NEGR1: variants seen among roughly 807,000 people sequenced by gnomAD.
NEGR1 encodes IgLON family member 4.
NEGR1 carries 10 observed loss-of-function variants against 40.9 expected under a neutral mutation model. The ratio of observed to expected loss-of-function variants is 0.24; its 90% CI spans 0.15 to 0.42. The LOEUF is 0.42. Ranked by LOEUF, NEGR1 falls within the 10% of genes least tolerant of loss-of-function variation. The pLI is 1.00. For synonymous variants in NEGR1, 185 were observed against 166.8 expected (o/e 1.11, Z -0.84); for missense variants, 352 against 438.9 (o/e 0.80, Z 1.77).
At chr1:72,119,712 G>T (rs546762526) in intron 1 of NEGR1, among the ~76,000 whole-genome samples, 2 of 152,076 alleles carry the variant, frequency 1.3e-5, no homozygotes, top group South Asian at 2.1e-4. Context: ...CTGGCAGGGG[G>T]TTGTTCTTGG....
rs1659287122 is a variant in NEGR1 at position 71,842,795 on chromosome 1, C to T, written c.410-66498G>A. ...CCTAACAATGTTATCATTAAATTAA[C>T]ATCATTATCGTATATCTTAACTTAG... On this transcript the variant is annotated intron_variant, in intron 2 of 6. Coordinates refer to ENST00000357731, the MANE Select transcript of NEGR1 (RefSeq NM_173808.3). 3.3e-5 allele frequency among the ~76,000 whole-genome samples: 5 copies of T among 152,230 alleles called. No individual in the cohort carries two copies. The South Asian group carries it at 1.0e-3, about 32-fold the overall frequency.
chr1:72,108,806 C>T (rs1649238385), intron 1 of NEGR1, among the ~76,000 whole-genome samples: 1 of 151,674 alleles, frequency 6.6e-6, no homozygotes, highest in African/African-American at 2.4e-5. Context: ...GCCCATGTTG[C>T]TCTTTTCTAT....
intron 4 of NEGR1, among the ~76,000 whole-genome samples, chr1:71,689,197 G>T (rs1436298789): frequency 6.6e-6 from 1 of 152,154 alleles, no homozygotes; most frequent in Non-Finnish European, 1.5e-5. Context: ...ATTTCTCAAA[G>T]AATTCACAAA....
intron 1 of NEGR1, among the ~76,000 whole-genome samples, chr1:72,241,708 A>G (rs1368981447): frequency 6.6e-6 from 1 of 151,546 alleles, no homozygotes; most frequent in Non-Finnish European, 1.5e-5. Flanking sequence ...TATATATTCC[A>G]GGTATATATT....
At chr1:71,991,589 C>G (rs1278850026) in intron 1 of NEGR1, among the ~76,000 whole-genome samples, 1 of 152,154 alleles carries the variant, frequency 6.6e-6, no homozygotes, top group Non-Finnish European at 1.5e-5. Flanking sequence ...GATCTCTGCA[C>G]TCTCATACAA....
chr1:71,464,609 C>G lies in NEGR1; in HGVS notation c.941-57039G>C, dbSNP rs558307280. Among the ~76,000 whole-genome samples the G allele has an allele frequency of 6.6e-5, 10 of 152,140 alleles. No homozygotes were observed. The South Asian group carries it at 2.1e-3, about 32-fold the overall frequency. On this transcript the variant is annotated intron_variant, in intron 6 of 6. Transcript: ENST00000357731. The stretch of plus-strand genomic sequence containing the variant: ...AGATTATCCTATCCTCCCAAGAATG[C>G]AGTTCTGTCGCAAAATTTGGCCATA...
intron 3 of NEGR1, among the ~76,000 whole-genome samples, chr1:71,775,778 G>T (rs2101717300): frequency 6.6e-6 from 1 of 152,026 alleles, no homozygotes; most frequent in Middle Eastern, 3.4e-3. Context: ...GATGACTTGA[G>T]GCCAAGATTC....
chr1:71,575,054 T>G (rs1322316035), intron 6 of NEGR1, among the ~76,000 whole-genome samples: 2 of 152,182 alleles, frequency 1.3e-5, no homozygotes, highest in Non-Finnish European at 2.9e-5. Context: ...TAGGAGAACG[T>G]GGATTGCTCA....
At chr1:71,761,057 G>A (rs563001733) in intron 3 of NEGR1, among the ~76,000 whole-genome samples, 32 of 152,122 alleles carry the variant, frequency 2.1e-4, no homozygotes, top group Middle Eastern at 3.4e-3. Flanking sequence ...AGGAATTAAC[G>A]TTTGCTGTCT....
intron 1 of NEGR1, among the ~76,000 whole-genome samples, chr1:72,048,977 T>C (rs1049676310): frequency 1.3e-5 from 2 of 151,454 alleles, no homozygotes; most frequent in Admixed American, 6.6e-5. Context: ...TTATGCATAG[T>C]TGTATTAAGG....
intron 1 of NEGR1, among the ~76,000 whole-genome samples, chr1:72,012,828 C>T (rs12724549): frequency 7.3e-6 from 1 of 137,260 alleles, no homozygotes; most frequent in Non-Finnish European, 1.6e-5. Context: ...CACACACACA[C>T]ACATATATAC....
At chr1:71,695,383 T>C (rs1270682722) in intron 4 of NEGR1, among the ~76,000 whole-genome samples, 1 of 151,772 alleles carries the variant, frequency 6.6e-6, no homozygotes, top group Non-Finnish European at 1.5e-5. Context: ...ATTTTCTTAA[T>C]ATGAGACAAG....
chr1:71,910,375 GAT>G (rs1347748200), intron 2 of NEGR1, among the ~76,000 whole-genome samples: 1 of 152,146 alleles, frequency 6.6e-6, no homozygotes, highest in Non-Finnish European at 1.5e-5. Flanking sequence ...GAAATACCTG[GAT>G]ACCTAATAAG....
At chr1:71,697,062 G>C (rs1653500424) in intron 4 of NEGR1, among the ~76,000 whole-genome samples, 1 of 151,696 alleles carries the variant, frequency 6.6e-6, no homozygotes, top group Non-Finnish European at 1.5e-5. Context: ...TGGCCCATGA[G>C]ACTGAAAGAC....
chr1:71,593,020 AT>A (rs760666314), intron 5 of NEGR1, 52 bp from the exon 6 acceptor site: 6 of 1,378,108 alleles, frequency 4.4e-6, no homozygotes, highest in Admixed American at 1.7e-5. Flanking sequence ...TACCAGTTTC[AT>A]TTTTTTATCT....
chr1:71,703,081 A>G (rs1205617300), intron 3 of NEGR1: 1 of 152,230 alleles, frequency 6.6e-6, no homozygotes, highest in Non-Finnish European at 1.5e-5. Context: ...AAATCTGAAA[A>G]AAAAAACAAA....
intron 3 of NEGR1, among the ~76,000 whole-genome samples, chr1:71,759,631 A>G (rs1266160516): frequency 3.5e-5 from 1 of 28,186 alleles, no homozygotes; most frequent in Admixed American, 7.5e-4. Context: ...TTTTTTTGAG[A>G]CGGAGTCCCA....
chr1:72,106,741 G>A (rs539717203), intron 1 of NEGR1, among the ~76,000 whole-genome samples: 1 of 152,004 alleles, frequency 6.6e-6, no homozygotes, highest in South Asian at 2.1e-4. Context: ...CAGAGCAATG[G>A]TAAATTAAAG....
chr1:71,862,030 T>A (rs766437746), intron 2 of NEGR1, among the ~76,000 whole-genome samples: 1 of 152,124 alleles, frequency 6.6e-6, no homozygotes, highest in Non-Finnish European at 1.5e-5. Context: ...TATTTCTTAA[T>A]GTGTTAGAGA....
Sources: gnomAD v4.1 joint callset for allele counts (sites outside exome capture counted in the v4.1 genomes callset) on GRCh38, gnomAD v4.1.1 for gene constraint, MANE v1.5 for transcripts, NCBI Gene and HGNC (gene_info 2026-07-23, HGNC 2026-07-21) for gene names.